The following RYR3 variants were observed in gnomAD, a reference collection of about 807,000 sequenced individuals.
RYR3 encodes the protein ryanodine receptor 3.
In RYR3, 207 loss-of-function variants were observed where a neutral mutation model predicts 584.3. The observed-to-expected ratio is 0.35, with a 90% CI of 0.32 to 0.40. The LOEUF is 0.40. Ranked by LOEUF, RYR3 falls within the 10% of genes least tolerant of loss-of-function variation. The pLI is 1.00. For synonymous variants in RYR3, 2,416 were observed against 2,248.5 expected, an observed-to-expected ratio of 1.07 and a Z score of -2.11; for missense variants, 5,616 against 6,089.2, an observed-to-expected ratio of 0.92 and a Z score of 2.59.
At chr15:33,313,582 G>A (rs1967660909) in intron 1 of RYR3, among the ~76,000 whole-genome samples, 1 of 152,156 alleles carries the variant, frequency 6.6e-6, no homozygotes, top group Non-Finnish European at 1.5e-5. Context: ...CTGGGTTAGG[G>A]AAGCTATTTC....
intron 75 of RYR3, among the ~76,000 whole-genome samples, chr15:33,817,195 T>C (rs889151725): frequency 6.6e-6 from 1 of 152,206 alleles, no homozygotes; most frequent in African/African-American, 2.4e-5. Context: ...TGTTAACAAC[T>C]AATATTTCTT....
chr15:33,855,789 C>G (rs2079593793), intron 98 of RYR3: 2 of 151,404 alleles, frequency 1.3e-5, no homozygotes, highest in South Asian at 4.1e-4. Flanking sequence ...GAAATTGACT[C>G]TGACAATATA....
chr15:33,406,707 G>A (rs34566980), intron 1 of RYR3, among the ~76,000 whole-genome samples: 8,043 of 152,222 alleles, frequency 0.053, 297 homozygotes, highest in Non-Finnish European at 0.077. Context: ...AAAGTTAACC[G>A]TCAGACAAGG....
intron 89 of RYR3, 92 bp from the exon 90 acceptor site, chr15:33,840,733 T>C: frequency 1.8e-6 from 2 of 1,135,006 alleles, no homozygotes; most frequent in South Asian, 1.3e-5. Flanking sequence ...CCATTGAAAT[T>C]TGTGACCAAG....
At chr15:33,354,033 C>A (rs1973635367) in intron 1 of RYR3, among the ~76,000 whole-genome samples, 1 of 152,174 alleles carries the variant, frequency 6.6e-6, no homozygotes, top group African/African-American at 2.4e-5. Flanking sequence ...TTGACATGAC[C>A]TCTTAGGGTC....
chr15:33,580,000 C>T lies in RYR3; in HGVS notation c.1293C>T (p.Pro431=), dbSNP rs1332974248. 3 of 1,612,522 alleles carry T rather than the reference C, an allele frequency of 1.9e-6. No individual in the cohort carries two copies. Among genetic ancestry groups the T allele is most frequent in the Non-Finnish European group, 2.5e-6 (3 of 1,179,208 alleles). Residue 431 remains proline, a synonymous_variant, in exon 13 of 104, where the codon CCC becomes CCT. Coordinates refer to ENST00000634891, the MANE Select transcript of RYR3 (RefSeq NM_001036.6). ...FVSGNNRTAA[P]ITLPIEEVLQ... ...GCGGAAACAATCGCACAGCTGCCCCCATCACCCTGCCTATAGAAGAAGTCC... is the reference window on the plus strand; with the variant it reads ...GCGGAAACAATCGCACAGCTGCCCCTATCACCCTGCCTATAGAAGAAGTCC...
chr15:33,599,442 A>G (rs1211054301), intron 16 of RYR3, among the ~76,000 whole-genome samples: 1 of 152,234 alleles, frequency 6.6e-6, no homozygotes, highest in African/African-American at 2.4e-5. Context: ...AATATATATA[A>G]GAAGTACACT....
chr15:33,678,536 G>A (rs2064347397), intron 38 of RYR3, among the ~76,000 whole-genome samples: 1 of 152,286 alleles, frequency 6.6e-6, no homozygotes, highest in East Asian at 1.9e-4. Flanking sequence ...GCAATCTCAG[G>A]TAGTTCTTTA....
intron 2 of RYR3, among the ~76,000 whole-genome samples, chr15:33,490,519 C>G (rs756221095): frequency 5.3e-5 from 8 of 152,134 alleles, no homozygotes; most frequent in Non-Finnish European, 8.8e-5. Flanking sequence ...TAATTGATCT[C>G]AGCCTCACCT....
intron 15 of RYR3, among the ~76,000 whole-genome samples, 178 bp downstream of exon 15, chr15:33,584,668 C>T (rs994550078): frequency 6.6e-6 from 1 of 152,024 alleles, no homozygotes; most frequent in Admixed American, 6.6e-5. Flanking sequence ...CTTTATTTAA[C>T]AACTCTAACC....
At position 33,398,446 on chromosome 15, in the gene RYR3, TAGG is replaced by T. The variant is rs539700965; in HGVS notation, c.52-74969_52-74967del. ...TGTTCGGCAACTTCACAGTCAGAAA[TAGG>T]AGGTCTGAGACAGATGGGTTAAATG... is the stretch of plus-strand genomic sequence containing the variant. On this transcript the variant is annotated intron_variant, in intron 1 of 103. Transcript: ENST00000634891. Among the ~76,000 whole-genome samples the T allele has an allele frequency of 3.2e-3, 487 of 152,242 alleles. 2 individuals carry two copies. Among genetic ancestry groups the T allele is most frequent in the Non-Finnish European group, 5.0e-3 (342 of 68,014 alleles).
intron 1 of RYR3, among the ~76,000 whole-genome samples, chr15:33,328,147 A>G (rs1969961420): frequency 6.6e-6 from 1 of 152,206 alleles, no homozygotes; most frequent in South Asian, 2.1e-4. Context: ...ATGCAGAACA[A>G]CCTAATAAAA....
rs747016857 is a variant in RYR3, at chr15:33,662,578, G to A, written c.5048G>A (p.Ser1683Asn). 4 of 1,614,018 alleles carry A rather than the reference G, an allele frequency of 2.5e-6. No homozygotes were observed. In the South Asian group the frequency reaches 3.3e-5, roughly 13 times the overall value. The change falls in exon 35 of 104, where the codon AGC (serine) becomes AAC (asparagine). Residue 1683 changes from serine to asparagine, a missense_variant. Ser to Asn is a conservative substitution (Grantham distance 46). Around this residue, in one of 9 missense-constraint regions of RYR3, gnomAD observed 753 missense variants for 741.0 expected, o/e 1.02. Coordinates refer to ENST00000634891, the MANE Select transcript of RYR3 (RefSeq NM_001036.6). Reference sequence around the variant, plus strand: ...ACTGGTGAGGATCACCAAAAGCAGAGCCCCGAGATTCCCTTGGAGAGTCTC... The same window carrying A: ...ACTGGTGAGGATCACCAAAAGCAGAACCCCGAGATTCCCTTGGAGAGTCTC... ...VVTGEDHQKQ[S>N]PEIPLESLRT...
At chr15:33,467,596 G>A (rs2048590451) in intron 1 of RYR3, 1 of 383,312 alleles carries the variant, frequency 2.6e-6, no homozygotes, top group Non-Finnish European at 3.6e-6. Context: ...TGTCAGAGAT[G>A]ACCTGTGACA....
chr15:33,644,225 C>T (rs2061979162), intron 27 of RYR3, 86 bp from the exon 28 acceptor site: 2 of 1,002,712 alleles, frequency 2.0e-6, no homozygotes, highest in East Asian at 5.2e-5. Context: ...GAGTCAAAGC[C>T]CTTAAGGAAG....
intron 3 of RYR3, among the ~76,000 whole-genome samples, chr15:33,527,051 AG>A (rs2141013723): frequency 6.6e-6 from 1 of 152,196 alleles, no homozygotes; most frequent in African/African-American, 2.4e-5. Context: ...GAGGAAAACC[AG>A]TATGATTGGA....
chr15:33,391,865 A>G (rs750834378), intron 1 of RYR3, among the ~76,000 whole-genome samples: 48 of 152,096 alleles, frequency 3.2e-4, no homozygotes, highest in South Asian at 2.1e-4. Flanking sequence ...GCAACACTGT[A>G]TCCTTATGCC....
At position 33,425,853 on chromosome 15, in the gene RYR3, A is replaced by G. The variant is rs375723010; in HGVS notation, c.52-47566A>G. Among the ~76,000 whole-genome samples the G allele has an allele frequency of 7.0e-3, 1,068 of 152,138 alleles. 12 individuals are homozygous for G. Among genetic ancestry groups the G allele is most frequent in the African/African-American group, 0.019 (776 of 41,498 alleles). On this transcript the variant is annotated intron_variant, in intron 1 of 103. Coordinates refer to ENST00000634891, the MANE Select transcript of RYR3 (RefSeq NM_001036.6). ...GAGACGGGGTTTCACCGTGTTAGCC[A>G]GGATGGTCTCAATCTCCTGACCTCG...
intron 1 of RYR3, among the ~76,000 whole-genome samples, chr15:33,368,743 C>T (rs922089416): frequency 5.3e-5 from 8 of 152,132 alleles, no homozygotes; most frequent in African/African-American, 1.4e-4. Context: ...GTCTTGGCAG[C>T]GTTCCACCCA....
Sources: allele counts gnomAD v4.1 joint callset (sites outside exome capture counted in the v4.1 genomes callset), GRCh38; gene constraint gnomAD v4.1.1; regional missense constraint gnomAD v4.1.1; transcripts MANE v1.5; gene names NCBI Gene and HGNC (gene_info 2026-07-23, HGNC 2026-07-21).